Variants in NLN observed in about 807,000 individuals in gnomAD.
NLN encodes neurolysin, also known as neurolysin, mitochondrial.
A neutral mutation model predicts 79.9 loss-of-function variants in NLN; 64 were observed. The observed-to-expected ratio is 0.80, with a 90% CI of 0.65 to 0.99. NLN has a LOEUF of 0.99. Ranked by LOEUF, NLN falls within the 50% of genes least tolerant of loss-of-function variation. The pLI is 0.00. For synonymous variants in NLN, 267 were observed against 296.6 expected (o/e 0.90, Z 1.02); for missense variants, 835 against 858.7 (o/e 0.97, Z 0.34).
At position 65,738,947 on chromosome 5, in the gene NLN, ATG is replaced by A. The variant is rs1491136839; in HGVS notation, c.41+16535_41+16536del. On this transcript the variant is annotated intron_variant, in intron 1 of 12. Transcript: ENST00000380985. ...ATGTGTGTATATATATTTTTTATAT[ATG>A]TTTATATATATGTATATATAAATAT... 3.3e-3 allele frequency among the ~76,000 whole-genome samples: 281 copies of A among 85,746 alleles called. 1 individual carries two copies. Among genetic ancestry groups the A allele is most frequent in the African/African-American group, 0.012 (265 of 22,498 alleles). The allele number at this position is 85,746 out of a possible 152,430, so 56.3% of individuals were successfully genotyped here.
intron 1 of NLN, among the ~76,000 whole-genome samples, chr5:65,738,460 G>A (rs567265874): frequency 6.6e-6 from 1 of 151,630 alleles, no homozygotes; most frequent in Non-Finnish European, 1.5e-5. Context: ...ACACTTCAGT[G>A]GTCTCAGGAG....
intron 9 of NLN, among the ~76,000 whole-genome samples, chr5:65,805,359 G>A (rs185576116): frequency 6.6e-6 from 1 of 152,324 alleles, no homozygotes; most frequent in East Asian, 1.9e-4. Flanking sequence ...GGCCTCTTGT[G>A]CCAGTCAGTC....
chr5:65,722,534 C>A, intron 1 of NLN, 120 bp downstream of exon 1: 2 of 923,180 alleles, frequency 2.2e-6, no homozygotes, highest in Non-Finnish European at 3.2e-6. Context: ...CCGGGACGCA[C>A]CCTCCCCGCG....
chr5:65,825,917 C>CA lies in NLN; in HGVS notation c.*3003dup, dbSNP rs1393120410. The CA allele has an allele frequency of 1.3e-5, 2 of 152,194 alleles. No homozygotes were observed. The highest frequency in any genetic ancestry group is 4.8e-5 in the African/African-American group (2 of 41,446). The allele number at this position is 152,194 out of a possible 1,614,324, so 9.4% of individuals were successfully genotyped here. On this transcript the variant is annotated 3_prime_UTR_variant, in exon 13 of 13. Transcript: ENST00000380985. ...CCATTTATTCATTTTCTATCATACA[C>CA]AGGTGGATTAAAATTTACATTAAAA...
chr5:65,800,586 G>A (rs1007206403), intron 9 of NLN, among the ~76,000 whole-genome samples: 52 of 152,136 alleles, frequency 3.4e-4, no homozygotes, highest in Non-Finnish European at 4.0e-4. Flanking sequence ...GGAGAATGGC[G>A]TGAACCCAGG....
intron 1 of NLN, among the ~76,000 whole-genome samples, chr5:65,729,408 A>G (rs1468784480): frequency 1.8e-5 from 2 of 113,902 alleles, no homozygotes; most frequent in South Asian, 2.6e-4. Flanking sequence ...GGAGTCTTGC[A>G]CTGTTGCCCG....
At chr5:65,800,622 T>C (rs1760264388) in intron 9 of NLN, among the ~76,000 whole-genome samples, 2 of 152,112 alleles carry the variant, frequency 1.3e-5, no homozygotes, top group South Asian at 4.1e-4. Flanking sequence ...TGAGCTGAGA[T>C]TCTGCCACTG....
chr5:65,781,812 CT>C (rs143470972), intron 6 of NLN, among the ~76,000 whole-genome samples: 1 of 152,196 alleles, frequency 6.6e-6, no homozygotes, highest in South Asian at 2.1e-4. Context: ...CATGAGGACC[CT>C]TTTTTCCTTA....
At chr5:65,735,543 C>T (rs568441514) in intron 1 of NLN, among the ~76,000 whole-genome samples, 1 of 152,262 alleles carries the variant, frequency 6.6e-6, no homozygotes, top group East Asian at 1.9e-4. Context: ...TCTTCACATT[C>T]TTTCTCCTTT....
chr5:65,773,126 T>TA (rs1486592818), intron 3 of NLN, among the ~76,000 whole-genome samples: 3 of 93,424 alleles, frequency 3.2e-5, no homozygotes, highest in Non-Finnish European at 4.5e-5. Context: ...CCCTGAATTC[T>TA]ATTTTTTTTT....
intron 12 of NLN, among the ~76,000 whole-genome samples, chr5:65,821,042 CAAAA>C (rs1326744179): frequency 5.2e-5 from 3 of 57,516 alleles, no homozygotes; most frequent in Admixed American, 2.0e-4. Context: ...GACTCTGTCT[CAAAA>C]AAAAAAAAAA....
intron 1 of NLN, among the ~76,000 whole-genome samples, chr5:65,727,090 A>G (rs1758489974): frequency 6.6e-6 from 1 of 152,186 alleles, no homozygotes; most frequent in African/African-American, 2.4e-5. Flanking sequence ...AGTTTGGATT[A>G]TAGTTGCTGT....
chr5:65,787,442 T>C (rs941330035), intron 7 of NLN, among the ~76,000 whole-genome samples: 3 of 152,198 alleles, frequency 2.0e-5, no homozygotes. Flanking sequence ...TGAACTGCCA[T>C]GTCCTTTGCA....
intron 1 of NLN, among the ~76,000 whole-genome samples, chr5:65,739,872 T>C (rs1758833521): frequency 6.6e-6 from 1 of 152,234 alleles, no homozygotes; most frequent in Non-Finnish European, 1.5e-5. Flanking sequence ...ATTGAATTTA[T>C]TGAGTTACTT....
At chr5:65,782,168 T>A (rs1043345740) in intron 6 of NLN, among the ~76,000 whole-genome samples, 2 of 152,244 alleles carry the variant, frequency 1.3e-5, no homozygotes, top group Non-Finnish European at 2.9e-5. Flanking sequence ...AACTTGGGTC[T>A]GCTTTCTCAT....
chr5:65,751,033 G>T (rs1247860536), intron 1 of NLN, among the ~76,000 whole-genome samples: 1 of 152,178 alleles, frequency 6.6e-6, no homozygotes, highest in Non-Finnish European at 1.5e-5. Flanking sequence ...CCACACAAGA[G>T]AAATAATTAA....
At chr5:65,792,853 C>G (rs1030850611) in intron 9 of NLN, 198 bp downstream of exon 9, 3 of 645,214 alleles carry the variant, frequency 4.6e-6, no homozygotes, top group Admixed American at 4.1e-5. Context: ...GTTCATCTAC[C>G]AGTGAAAGAT....
intron 12 of NLN, among the ~76,000 whole-genome samples, chr5:65,812,698 C>T (rs1410729631): frequency 6.6e-6 from 1 of 152,126 alleles, no homozygotes; most frequent in African/African-American, 2.4e-5. Context: ...TTGACATGTA[C>T]CATACAACAT....
chr5:65,787,240 A>G (rs188039417), intron 7 of NLN, among the ~76,000 whole-genome samples: 48 of 147,154 alleles, frequency 3.3e-4, no homozygotes, highest in African/African-American at 9.8e-4. Context: ...CTCTCTTTAT[A>G]TATATATATA....
Sources: gnomAD v4.1 joint callset for allele counts (sites outside exome capture counted in the v4.1 genomes callset) on GRCh38, gnomAD v4.1.1 for gene constraint, MANE v1.5 for transcripts, NCBI Gene and HGNC (gene_info 2026-07-23, HGNC 2026-07-21) for gene names.